The following PLCL1 variants were observed in gnomAD, a reference collection of about 807,000 sequenced individuals.
PLCL1 encodes the protein inactive phospholipase C-like protein 1.
In PLCL1, 41 loss-of-function variants were observed where a neutral mutation model predicts 84.4. That is an observed-to-expected ratio of 0.49 (90% CI 0.38 to 0.63). The LOEUF is 0.63. Ranked by LOEUF, PLCL1 falls within the 30% of genes least tolerant of loss-of-function variation. PLCL1 has a pLI of 0.00. For missense variants in PLCL1, 1,206 were observed against 1,367.8 expected (o/e 0.88, Z 1.87); for synonymous variants, 490 against 488.3 (o/e 1.00, Z -0.05).
intron 1 of PLCL1, among the ~76,000 whole-genome samples, chr2:197,811,444 CATCTT>C (rs1462030552): frequency 6.6e-6 from 1 of 152,168 alleles, no homozygotes; most frequent in Non-Finnish European, 1.5e-5. Flanking sequence ...CGTTTAAACT[CATCTT>C]ATTAATAATC....
intron 1 of PLCL1, among the ~76,000 whole-genome samples, chr2:197,975,747 A>C (rs1689968344): frequency 6.6e-6 from 1 of 152,104 alleles, no homozygotes; most frequent in South Asian, 2.1e-4. Context: ...TCAAGGCTGC[A>C]GTGAGCTATA....
chr2:197,983,480 G>A (rs565187004), intron 1 of PLCL1, among the ~76,000 whole-genome samples: 58 of 151,748 alleles, frequency 3.8e-4, no homozygotes, highest in Non-Finnish European at 7.2e-4. Context: ...TAATCCTCTC[G>A]CCTTGGCCTC....
chr2:198,004,060 C>G (rs956035168), intron 1 of PLCL1, among the ~76,000 whole-genome samples: 6 of 152,080 alleles, frequency 3.9e-5, no homozygotes, highest in African/African-American at 1.4e-4. Flanking sequence ...TGAAAGTAAA[C>G]TGTCATTTCA....
chr2:197,965,814 A>T (rs1235208792), intron 1 of PLCL1, among the ~76,000 whole-genome samples: 1 of 152,146 alleles, frequency 6.6e-6, no homozygotes, highest in Non-Finnish European at 1.5e-5. Flanking sequence ...TTGGCCATTC[A>T]GGAACAGGAG....
At chr2:197,853,492 C>T (rs887632273) in intron 1 of PLCL1, among the ~76,000 whole-genome samples, 1 of 152,144 alleles carries the variant, frequency 6.6e-6, no homozygotes, top group African/African-American at 2.4e-5. Flanking sequence ...CCTCACCTTC[C>T]TTATTTGTGA....
chr2:198,110,089 T>G (rs759013585), intron 5 of PLCL1, among the ~76,000 whole-genome samples: 4 of 151,878 alleles, frequency 2.6e-5, no homozygotes, highest in African/African-American at 9.6e-5. Flanking sequence ...TAACAGGCAA[T>G]AAATAAAAAA....
At chr2:198,132,381 A>G (rs1283403254) in intron 5 of PLCL1, among the ~76,000 whole-genome samples, 1 of 152,156 alleles carries the variant, frequency 6.6e-6, no homozygotes, top group Non-Finnish European at 1.5e-5. Context: ...CATGGACAGC[A>G]TTGCATAAGG....
chr2:198,114,551 T>C (rs2105922438), intron 5 of PLCL1, among the ~76,000 whole-genome samples: 1 of 151,984 alleles, frequency 6.6e-6, no homozygotes, highest in African/African-American at 2.4e-5. Context: ...TAGCCTAAGG[T>C]GAGTTGTAGC....
intron 1 of PLCL1, among the ~76,000 whole-genome samples, chr2:198,030,212 G>A (rs1156256605): frequency 6.6e-6 from 1 of 151,342 alleles, no homozygotes. Flanking sequence ...TCCCCTATAT[G>A]TGTCCATGAG....
intron 4 of PLCL1, among the ~76,000 whole-genome samples, chr2:198,102,522 C>A (rs1380168694): frequency 6.6e-6 from 1 of 152,026 alleles, no homozygotes; most frequent in Non-Finnish European, 1.5e-5. Context: ...GGTGGTAGAT[C>A]CCTGACCTCA....
rs1378290644 is a variant in PLCL1, at chr2:197,865,203, C to T, written c.240+59864C>T. On this transcript the variant is annotated intron_variant, in intron 1 of 5. Transcript: ENST00000428675. ...AATGAAGTGCTTTGCTGGGAGATCT[C>T]GCCTGGTCCTGTGGTCCTTTAGTGA... Among the ~76,000 whole-genome samples, 14 of 152,236 alleles carry T rather than the reference C, an allele frequency of 9.2e-5. No individual in the cohort carries two copies. The East Asian group carries it at 1.5e-3, about 17-fold the overall frequency.
intron 1 of PLCL1, among the ~76,000 whole-genome samples, chr2:197,825,493 C>A (rs568694949): frequency 1.3e-5 from 2 of 152,124 alleles, no homozygotes; most frequent in Non-Finnish European, 1.5e-5. Context: ...AAGAAAGGGA[C>A]CACATTTTAG....
intron 1 of PLCL1, among the ~76,000 whole-genome samples, chr2:198,022,810 A>G (rs1022547715): frequency 6.6e-6 from 1 of 152,232 alleles, no homozygotes; most frequent in African/African-American, 2.4e-5. Flanking sequence ...TATAGTGAAA[A>G]TGATCATACT....
rs144871118 is a variant in PLCL1 at position 198,101,556 on chromosome 2, G to A, written c.2995+196G>A. Among the ~76,000 whole-genome samples the A allele has an allele frequency of 4.1e-3, 625 of 151,988 alleles. 7 individuals are homozygous for A. Among genetic ancestry groups the A allele is most frequent in the African/African-American group, 0.014 (600 of 41,466 alleles). On this transcript the variant is annotated intron_variant, in intron 4 of 5. Transcript: ENST00000428675. Reference sequence around the variant, plus strand: ...GATGAAATCCAAGTGATAATAGGTGGGTTGTATGTGAGCGTACAGGGTTGG... The same window carrying A: ...GATGAAATCCAAGTGATAATAGGTGAGTTGTATGTGAGCGTACAGGGTTGG...
intron 1 of PLCL1, among the ~76,000 whole-genome samples, chr2:197,913,544 C>T (rs1688532332): frequency 6.6e-6 from 1 of 152,172 alleles, no homozygotes; most frequent in African/African-American, 2.4e-5. Flanking sequence ...TACGCATTCC[C>T]CTACCAGGTT....
At position 198,146,805 on chromosome 2, in the gene PLCL1, C is replaced by G; in HGVS notation, c.3131C>G (p.Ala1044Gly). The change falls in exon 6 of 6, where the codon GCC becomes GGC. Residue 1044 changes from alanine to glycine, a missense_variant. Physicochemically the swap from Ala to Gly is moderately conservative, Grantham distance 60. Coordinates refer to ENST00000428675, the MANE Select transcript of PLCL1 (RefSeq NM_006226.4). ...LKGQGDLLKN[A>G]KNEAIENMKQ... ...GGCCAAGGAGATCTGTTGAAGAATG[C>G]CAAGAATGAAGCTATAGAAAACATG... The G allele has an allele frequency of 6.2e-7, 1 of 1,612,546 alleles. No individual in the cohort carries two copies. The highest frequency in any genetic ancestry group is 8.5e-7 in the Non-Finnish European group (1 of 1,179,318).
At chr2:197,962,703 A>AT (rs1428626628) in intron 1 of PLCL1, among the ~76,000 whole-genome samples, 1 of 151,832 alleles carries the variant, frequency 6.6e-6, no homozygotes, top group Non-Finnish European at 1.5e-5. Flanking sequence ...TCTAAGTATG[A>AT]TTTTGTACCC....
rs556080114 is a variant in PLCL1 at position 198,149,543 on chromosome 2, T to G, written c.*2581T>G. Reference sequence around the variant, plus strand: ...GATTTTAAGTTTATTCTTAACATTTTAAACCAGACTATTAACTCTTACCTT... The same window carrying G: ...GATTTTAAGTTTATTCTTAACATTTGAAACCAGACTATTAACTCTTACCTT... On this transcript the variant is annotated 3_prime_UTR_variant, in exon 6 of 6. Transcript: ENST00000428675. 1 of 152,380 alleles carries G rather than the reference T, an allele frequency of 6.6e-6. No individual in the cohort carries two copies. Among genetic ancestry groups the G allele is most frequent in the East Asian group, 1.9e-4 (1 of 5,248 alleles). 9.4% of individuals were successfully genotyped at this position (152,380 alleles called of 1,614,324 possible).
intron 1 of PLCL1, among the ~76,000 whole-genome samples, chr2:198,004,400 G>A (rs999305182): frequency 6.6e-5 from 10 of 152,246 alleles, no homozygotes; most frequent in African/African-American, 2.4e-4. Flanking sequence ...TTGTCATTTG[G>A]GGGTACTCTT....
Sources: gnomAD v4.1 joint callset for allele counts (sites outside exome capture counted in the v4.1 genomes callset) on GRCh38, gnomAD v4.1.1 for gene constraint, MANE v1.5 for transcripts, NCBI Gene and HGNC (gene_info 2026-07-23, HGNC 2026-07-21) for gene names.